ESR1: variants seen among roughly 807,000 people sequenced by gnomAD.
The protein encoded by ESR1 is estrogen receptor.
A neutral mutation model predicts 52.7 loss-of-function variants in ESR1; 12 were observed. The observed-to-expected ratio is 0.23, with a 90% CI of 0.15 to 0.37. The LOEUF is 0.37. Ranked by LOEUF, ESR1 falls within the 10% of genes least tolerant of loss-of-function variation. The probability of loss-of-function intolerance (pLI) is 1.00; values close to 1 mark genes in which losing one functional copy is unlikely to be tolerated. For missense variants in ESR1, 584 were observed against 779.7 expected, an observed-to-expected ratio of 0.75 and a Z score of 2.99; for synonymous variants, 305 against 316.8, an observed-to-expected ratio of 0.96 and a Z score of 0.39.
intron 2 of ESR1, among the ~76,000 whole-genome samples, chr6:151,726,417 C>A (rs186247512): frequency 6.6e-6 from 1 of 152,110 alleles, no homozygotes; most frequent in Admixed American, 6.5e-5. Flanking sequence ...CTGCAAGCTC[C>A]GCCTGCCGGG....
intron 3 of ESR1, among the ~76,000 whole-genome samples, chr6:151,935,396 AG>A (rs1272275049): frequency 6.6e-6 from 1 of 152,220 alleles, no homozygotes; most frequent in Non-Finnish European, 1.5e-5. Flanking sequence ...GCACTTCACC[AG>A]TGTGGTGCCT....
At chr6:151,664,232 T>C (rs1195538244) in intron 1 of ESR1, among the ~76,000 whole-genome samples, 1 of 152,208 alleles carries the variant, frequency 6.6e-6, no homozygotes, top group Admixed American at 6.5e-5. Flanking sequence ...TACCACCTGA[T>C]GGAAGTGAAC....
chr6:152,025,769 C>T (rs563096782), intron 5 of ESR1, among the ~76,000 whole-genome samples: 2 of 151,828 alleles, frequency 1.3e-5, no homozygotes, highest in Admixed American at 1.3e-4. Context: ...CTTCATTCTG[C>T]TATCAGTTAA....
intron 2 of ESR1, among the ~76,000 whole-genome samples, chr6:151,795,215 G>T (rs1776572473): frequency 6.6e-6 from 1 of 152,128 alleles, no homozygotes; most frequent in Non-Finnish European, 1.5e-5. Context: ...AGCTGGGTGT[G>T]GTGGGTCATG....
At chr6:152,065,506 C>A (rs191857365) in intron 6 of ESR1, among the ~76,000 whole-genome samples, 1 of 152,042 alleles carries the variant, frequency 6.6e-6, no homozygotes, top group African/African-American at 2.4e-5. Flanking sequence ...TTTGGTTTGG[C>A]CTTCACATTC....
At chr6:151,849,851 G>A (rs370583696) in intron 2 of ESR1, among the ~76,000 whole-genome samples, 5 of 150,016 alleles carry the variant, frequency 3.3e-5, no homozygotes, top group East Asian at 2.0e-4. Flanking sequence ...GAGAACACAC[G>A]GCTTATTGTC....
intron 5 of ESR1, among the ~76,000 whole-genome samples, chr6:152,057,535 C>G (rs1344464399): frequency 6.6e-6 from 1 of 152,068 alleles, no homozygotes; most frequent in Non-Finnish European, 1.5e-5. Context: ...CATTGCATAT[C>G]CCCCCAGAAG....
chr6:151,972,093 G>T (rs548762004), intron 4 of ESR1, among the ~76,000 whole-genome samples: 121 of 152,114 alleles, frequency 8.0e-4, no homozygotes, highest in African/African-American at 2.9e-3. Flanking sequence ...ACCCTCCTAG[G>T]TTAAGCCAGA....
chr6:151,805,099 T>C (rs1174404617), upstream of ESR1: 1 of 152,156 alleles, frequency 6.6e-6, no homozygotes, highest in Non-Finnish European at 1.5e-5. Context: ...ATGGAAAGGT[T>C]TGTGGGTTTG....
intron 5 of ESR1, among the ~76,000 whole-genome samples, chr6:152,029,525 G>A (rs1365126151): frequency 1.3e-5 from 2 of 152,158 alleles, no homozygotes; most frequent in African/African-American, 4.8e-5. Context: ...TCAATCAACT[G>A]GAAGAAAGGT....
intron 5 of ESR1, among the ~76,000 whole-genome samples, chr6:152,057,717 A>ACG (rs1376872832): frequency 6.6e-6 from 1 of 151,722 alleles, no homozygotes; most frequent in Non-Finnish European, 1.5e-5. Flanking sequence ...ACACACACAC[A>ACG]CACACACACA....
At chr6:151,915,109 T>A (rs772675004) in intron 3 of ESR1, among the ~76,000 whole-genome samples, 2 of 151,786 alleles carry the variant, frequency 1.3e-5, no homozygotes, top group African/African-American at 4.8e-5. Context: ...GCAGGAAAAT[T>A]GCTTGAACCA....
chr6:151,824,335 T>C (rs1043420135), intron 1 of ESR1, among the ~76,000 whole-genome samples: 75 of 152,256 alleles, frequency 4.9e-4, no homozygotes, highest in African/African-American at 1.6e-3. Context: ...TTTTTTCTTG[T>C]AAATTTGTTT....
chr6:152,051,212 C>A (rs1405238654), intron 5 of ESR1, among the ~76,000 whole-genome samples: 3 of 152,108 alleles, frequency 2.0e-5, no homozygotes, highest in Non-Finnish European at 4.4e-5. Context: ...TCATACTAAG[C>A]CCCATAATCA....
At position 152,122,519 on chromosome 6, in the gene ESR1, C is replaced by A. The variant is rs1182754638; in HGVS notation, c.851-2747C>A. The A allele has an allele frequency of 3.1e-6, 5 of 1,614,070 alleles. No individual in the cohort carries two copies. The East Asian group carries it at 1.1e-4, about 36-fold the overall frequency. ...TTGTTGGAGAGGGCACAGCTGTAGT[C>A]TTCCTCTGACATTGGTACAAGGCAG... is the stretch of plus-strand genomic sequence containing the variant. On this transcript the variant is annotated intron_variant, in intron 6 of 6. Transcript: ENST00000427531.
chr6:152,043,261 G>A (rs1343875615), intron 5 of ESR1, among the ~76,000 whole-genome samples: 3 of 152,100 alleles, frequency 2.0e-5, no homozygotes, highest in Non-Finnish European at 4.4e-5. Context: ...TAAACTATTA[G>A]AACCTTTTTT....
At chr6:152,073,250 C>T (rs769759892) in intron 6 of ESR1, among the ~76,000 whole-genome samples, 1 of 152,108 alleles carries the variant, frequency 6.6e-6, no homozygotes, top group African/African-American at 2.4e-5. Flanking sequence ...TTGGAGTATC[C>T]GTTCATCAGC....
At chr6:151,777,885 A>G (rs1032640540) in intron 2 of ESR1, among the ~76,000 whole-genome samples, 3 of 152,120 alleles carry the variant, frequency 2.0e-5, no homozygotes, top group Non-Finnish European at 4.4e-5. Flanking sequence ...GCTTGAACCC[A>G]GGAGGCAGAG....
At chr6:152,027,914 C>T (rs546521732) in intron 5 of ESR1, among the ~76,000 whole-genome samples, 497 of 151,928 alleles carry the variant, frequency 3.3e-3, no homozygotes, top group Middle Eastern at 0.014. Context: ...GAGGCCGAGG[C>T]GGGTAGATCA....
Sources: allele counts gnomAD v4.1 joint callset (sites outside exome capture counted in the v4.1 genomes callset), GRCh38; gene constraint gnomAD v4.1.1; transcripts MANE v1.5; gene names NCBI Gene and HGNC (gene_info 2026-07-23, HGNC 2026-07-21).